The following MED12L variants were observed in gnomAD, a reference collection of about 807,000 sequenced individuals.
The protein encoded by MED12L is mediator complex subunit 12L.
In MED12L, 60 loss-of-function variants were observed where a neutral mutation model predicts 281.3. That is an observed-to-expected ratio of 0.21 (90% CI 0.17 to 0.26). MED12L has a LOEUF of 0.26. Among genes scored for constraint, MED12L ranks in the 10% least tolerant of loss-of-function variants. MED12L has a pLI of 1.00. For missense variants in MED12L, 2,146 were observed against 2,680.9 expected (o/e 0.80, Z 4.41); for synonymous variants, 974 against 987.2 (o/e 0.99, Z 0.25).
At chr3:151,332,891 C>G (rs1750512179) in intron 16 of MED12L, among the ~76,000 whole-genome samples, 1 of 152,110 alleles carries the variant, frequency 6.6e-6, no homozygotes, top group Non-Finnish European at 1.5e-5. Context: ...CCTTACCCTC[C>G]TCCCACCCAC....
intron 14 of MED12L, among the ~76,000 whole-genome samples, 164 bp downstream of exon 14, chr3:151,191,095 T>G (rs952801943): frequency 2.0e-5 from 3 of 152,240 alleles, no homozygotes; most frequent in African/African-American, 7.2e-5. Flanking sequence ...ATATTTACAC[T>G]GTAGCTTCTT....
chr3:151,421,783 G>A (rs1204306384), intron 43 of MED12L, among the ~76,000 whole-genome samples: 2 of 152,002 alleles, frequency 1.3e-5, no homozygotes, highest in Non-Finnish European at 2.9e-5. Context: ...TGCATTGTAT[G>A]TATTATAAAT....
At chr3:151,194,600 A>G (rs1724407844) in intron 16 of MED12L, among the ~76,000 whole-genome samples, 1 of 152,218 alleles carries the variant, frequency 6.6e-6, no homozygotes, top group Non-Finnish European at 1.5e-5. Context: ...GGCTTGTACA[A>G]GATAGGCTCA....
intron 16 of MED12L, among the ~76,000 whole-genome samples, chr3:151,276,863 T>G (rs920822430): frequency 1.1e-4 from 16 of 152,136 alleles, no homozygotes; most frequent in Non-Finnish European, 2.9e-5. Flanking sequence ...TTTGAGTACC[T>G]TGGAATCTCC....
intron 16 of MED12L, among the ~76,000 whole-genome samples, chr3:151,288,345 TA>T (rs1238740133): frequency 6.6e-6 from 1 of 152,238 alleles, no homozygotes; most frequent in Non-Finnish European, 1.5e-5. Context: ...ATTTTACATA[TA>T]AATGTATTTT....
At chr3:151,365,792 A>G (rs1396631562) in intron 22 of MED12L, 58 bp from the exon 23 acceptor site, 1 of 1,422,662 alleles carries the variant, frequency 7.0e-7, no homozygotes, top group Non-Finnish European at 9.5e-7. Flanking sequence ...AGTATATCAC[A>G]GGTGAGTATT....
In MED12L at chr3:151,337,736, T is replaced by C. The variant is rs1011748651; in HGVS notation, c.2251-12323T>C. ...TATTATTAACTTAGTTGCTTCTTCG[T>C]CAGTTAATATTTTTACTTAGCGCTT... On this transcript the variant is annotated intron_variant, in intron 16 of 44. Coordinates refer to ENST00000687756, the MANE Select transcript of MED12L (RefSeq NM_001393769.1). The C allele has an allele frequency of 2.9e-6, 4 of 1,402,122 alleles. No homozygotes were observed. In the East Asian group the frequency reaches 9.1e-5, roughly 32 times the overall value. 86.9% of individuals were successfully genotyped at this position (1,402,122 alleles called of 1,614,324 possible).
chr3:151,339,835 C>T (rs753220893), intron 16 of MED12L, among the ~76,000 whole-genome samples: 5 of 152,040 alleles, frequency 3.3e-5, no homozygotes, highest in Non-Finnish European at 7.4e-5. Flanking sequence ...GCATCTACAT[C>T]TTGGGAATTT....
rs1387026138 is a variant in MED12L, at chr3:151,430,348, C to T, written c.6458C>T (p.Ala2153Val). ...QQTQQQQQTA[A>V]LVRQLQKQLS... ...ACCCAGCAGCAGCAGCAGACGGCCGCCTTGGTGCGGCAGCTCCAGAAGCAG... is the reference window on the plus strand; with the variant it reads ...ACCCAGCAGCAGCAGCAGACGGCCGTCTTGGTGCGGCAGCTCCAGAAGCAG... The change falls in exon 44 of 45, where the codon GCC becomes GTC. Residue 2153 changes from alanine to valine, a missense_variant. Transcript: ENST00000687756. 1 of 1,613,990 alleles carries T rather than the reference C, an allele frequency of 6.2e-7. No homozygotes were observed.
chr3:151,163,488 T>C (rs1720267287), intron 8 of MED12L, among the ~76,000 whole-genome samples: 1 of 152,102 alleles, frequency 6.6e-6, no homozygotes, highest in Admixed American at 6.5e-5. Flanking sequence ...TTTGATTTTG[T>C]TTTTGTTTTT....
intron 16 of MED12L, among the ~76,000 whole-genome samples, chr3:151,314,539 C>G (rs1747981037): frequency 6.6e-6 from 1 of 152,150 alleles, no homozygotes; most frequent in Non-Finnish European, 1.5e-5. Context: ...TGTATTAATG[C>G]AAAACTTTCA....
intron 16 of MED12L, among the ~76,000 whole-genome samples, chr3:151,314,741 A>G (rs1748009100): frequency 6.6e-6 from 1 of 152,058 alleles, no homozygotes; most frequent in South Asian, 2.1e-4. Flanking sequence ...GGGTTCTTTC[A>G]TTACCAACCC....
intron 16 of MED12L, among the ~76,000 whole-genome samples, chr3:151,332,450 A>G (rs1057295059): frequency 3.3e-5 from 5 of 152,234 alleles, no homozygotes; most frequent in Non-Finnish European, 7.3e-5. Flanking sequence ...TAAAAGTGGT[A>G]ATAATAAGCT....
chr3:151,383,725 G>C (rs1398887802), intron 33 of MED12L, 54 bp from the exon 34 acceptor site: 1 of 1,112,816 alleles, frequency 9.0e-7, no homozygotes, highest in African/African-American at 1.6e-5. Flanking sequence ...AAAGCAATGG[G>C]GTGTTCTTTC....
At chr3:151,116,621 T>G (rs1228340359) in intron 3 of MED12L, among the ~76,000 whole-genome samples, 179 bp downstream of exon 3, 2 of 152,196 alleles carry the variant, frequency 1.3e-5, no homozygotes, top group African/African-American at 4.8e-5. Flanking sequence ...TTGCATTTCC[T>G]TGTCACATCT....
intron 16 of MED12L, among the ~76,000 whole-genome samples, chr3:151,301,546 C>G (rs1745926555): frequency 6.6e-6 from 1 of 152,140 alleles, no homozygotes; most frequent in South Asian, 2.1e-4. Context: ...TCTATTTAGA[C>G]TATGCAAAGA....
rs1406019828 is a variant in MED12L at position 151,122,736 on chromosome 3, ACTTG to A, written c.205-43_205-40del. 1.7e-5 allele frequency: 23 copies of A among 1,359,322 alleles called. No individual in the cohort carries two copies. The Middle Eastern group carries it at 5.5e-4, about 33-fold the overall frequency. 84.2% of individuals were successfully genotyped at this position (1,359,322 alleles called of 1,614,324 possible). ...AAATACTAATGTACAGTACTAAGCT[ACTTG>A]CTTATTGTCTTAACTTTCCCTTTTT... On this transcript the variant is annotated intron_variant, in intron 3 of 44. Coordinates refer to ENST00000687756, the MANE Select transcript of MED12L (RefSeq NM_001393769.1).
intron 16 of MED12L, chr3:151,198,573 G>T (rs1238035263): frequency 6.2e-7 from 1 of 1,613,954 alleles, no homozygotes; most frequent in African/African-American, 1.3e-5. Flanking sequence ...ACAGCCAGGA[G>T]CAGTGTAGCC....
chr3:151,424,656 A>G (rs1159286702), intron 43 of MED12L, among the ~76,000 whole-genome samples: 2 of 152,048 alleles, frequency 1.3e-5, no homozygotes, highest in Admixed American at 6.6e-5. Context: ...AAAAAACTCT[A>G]TGCAAGTTAC....
Sources: gnomAD v4.1 joint callset for allele counts (sites outside exome capture counted in the v4.1 genomes callset) on GRCh38, gnomAD v4.1.1 for gene constraint, MANE v1.5 for transcripts, NCBI Gene and HGNC (gene_info 2026-07-23, HGNC 2026-07-21) for gene names.